DNAH10: variants seen among roughly 807,000 people sequenced by gnomAD.
DNAH10 encodes the protein axonemal beta dynein heavy chain 10.
Under a neutral mutation model 506.6 loss-of-function variants are expected in DNAH10, and 348 were observed. The observed-to-expected ratio is 0.69, with a 90% CI of 0.63 to 0.75. The LOEUF (loss-of-function observed/expected upper bound fraction) is 0.75. Among genes scored for constraint, DNAH10 ranks in the 30% least tolerant of loss-of-function variants. The pLI, the probability that DNAH10 is intolerant of heterozygous loss-of-function variation, is 0.00. For missense variants in DNAH10, 5,179 were observed against 5,787.1 expected (o/e 0.89, Z 3.41); for synonymous variants, 2,059 against 2,198.6 (o/e 0.94, Z 1.78).
chr12:123,772,272 GC>G (rs1957281521), intron 3 of DNAH10, among the ~76,000 whole-genome samples: 1 of 152,148 alleles, frequency 6.6e-6, no homozygotes, highest in Non-Finnish European at 1.5e-5. Context: ...CACCAAACTC[GC>G]ATTGTTAGCA....
At chr12:123,799,965 A>G (rs1419212753) in intron 14 of DNAH10, among the ~76,000 whole-genome samples, 1 of 152,194 alleles carries the variant, frequency 6.6e-6, no homozygotes, top group African/African-American at 2.4e-5. Flanking sequence ...CAGATTTTCC[A>G]GTGTTTCAAG....
chr12:123,762,355 C>CT lies in DNAH10; in HGVS notation c.20dup (p.Trp8ValfsTer65), dbSNP rs1956857039. 1.5e-6 allele frequency: 2 copies of CT among 1,355,790 alleles called. No homozygotes were observed. The highest frequency in any genetic ancestry group is 3.0e-5 in the African/African-American group (2 of 65,720). 84.0% of individuals were successfully genotyped at this position (1,355,790 alleles called of 1,614,324 possible). On this transcript the variant is annotated frameshift_variant, in exon 1 of 79. Transcript: ENST00000673944. LOFTEE classifies it high-confidence loss of function. This position sits in a 1 kb window ranked among gnomAD's most constrained non-coding sequence, Gnocchi z 5.0. ...CGGCGCCATGGACGACCTGCGGGTG[C>CT]TGTGGATGCGCGACCGCGTGTATGC...
At chr12:123,867,401 C>T in intron 41 of DNAH10, 66 bp from the exon 42 acceptor site, 1 of 1,536,458 alleles carries the variant, frequency 6.5e-7, no homozygotes, top group Non-Finnish European at 8.8e-7. Context: ...GCAAGAAAAG[C>T]TTTCCACTAA....
intron 19 of DNAH10, among the ~76,000 whole-genome samples, chr12:123,809,523 A>T (rs181417054): frequency 6.6e-6 from 1 of 151,998 alleles, no homozygotes; most frequent in Non-Finnish European, 1.5e-5. Context: ...GGTGGTGCAC[A>T]CCTGTGTTCC....
At chr12:123,881,513 G>A (rs988495706) in intron 50 of DNAH10, 112 bp from the exon 51 acceptor site, 16 of 1,113,378 alleles carry the variant, frequency 1.4e-5, no homozygotes, top group South Asian at 5.4e-5. Context: ...ATTTTTTCTC[G>A]TAAATTTGTT....
At chr12:123,867,807 A>G (rs1028879283) in intron 42 of DNAH10, 96 bp from the exon 43 acceptor site, 3 of 1,387,416 alleles carry the variant, frequency 2.2e-6, no homozygotes, top group African/African-American at 1.4e-5. Context: ...TTATGCTCCC[A>G]TCGCTCTGGG....
chr12:123,794,499 G>A (rs955753004), intron 12 of DNAH10, among the ~76,000 whole-genome samples: 3 of 152,100 alleles, frequency 2.0e-5, no homozygotes. Context: ...TGAACAAAAC[G>A]TGGATTCTGC....
rs762842800 is a variant in DNAH10, at chr12:123,903,073, G to C, written c.9775G>C (p.Glu3259Gln). 7 of 1,611,846 alleles carry C rather than the reference G, an allele frequency of 4.3e-6. No homozygotes were observed. The African/African-American group carries it at 9.3e-5, about 22-fold the overall frequency. Residue 3259 changes from glutamate to glutamine, a missense_variant, in exon 57 of 79, where the codon GAA becomes CAA. Glu to Gln is a conservative substitution (Grantham distance 29). This residue lies in a region of DNAH10 where 4,844 missense variants were observed against 5,430.5 expected (regional missense o/e 0.89). Coordinates refer to ENST00000673944, the MANE Select transcript of DNAH10 (RefSeq NM_001372106.1). The surrounding 1 kb of genome is among the most constrained non-coding windows in gnomAD (Gnocchi z 4.6). Reference sequence around the variant, plus strand: ...GCCCATCCTGGAGGCCGCCAAGCTGGAACTGCAGAAGCTGGACAAGTCGGA... The same window carrying C: ...GCCCATCCTGGAGGCCGCCAAGCTGCAACTGCAGAAGCTGGACAAGTCGGA... ...VMPILEAAKL[E>Q]LQKLDKSDVT...
Position 123,909,584 on chromosome 12 carries a change from C to CTAGAGATAATGGTTGGTGG in DNAH10, c.9997+143_9997+144insAGAGATAATGGTTGGTGGT. 8.9e-7 allele frequency: 1 copy of CTAGAGATAATGGTTGGTGG among 1,117,980 alleles called. No homozygotes were observed. 69.3% of individuals were successfully genotyped at this position (1,117,980 alleles called of 1,614,324 possible). On this transcript the variant is annotated intron_variant, in intron 58 of 78. Coordinates refer to ENST00000673944, the MANE Select transcript of DNAH10 (RefSeq NM_001372106.1). The surrounding 1 kb of genome is among the most constrained non-coding windows in gnomAD (Gnocchi z 5.4). Reference sequence around the variant, plus strand: ...AGATGGTATCGGATGGAACAGGCAACTGATGGTCACCAGAGGAAAACAGCA... The same window carrying CTAGAGATAATGGTTGGTGG: ...AGATGGTATCGGATGGAACAGGCAACTAGAGATAATGGTTGGTGGTGATGGTCACCAGAGGAAAACAGCA...
chr12:123,830,323 A>G (rs1960407467), intron 25 of DNAH10, among the ~76,000 whole-genome samples: 1 of 152,236 alleles, frequency 6.6e-6, no homozygotes, highest in Admixed American at 6.5e-5. Flanking sequence ...ACTAGTGTAT[A>G]GTGTATACAG....
At chr12:123,813,014 G>C (rs921732564) in intron 19 of DNAH10, 150 bp from the exon 20 acceptor site, 62 of 635,174 alleles carry the variant, frequency 9.8e-5, no homozygotes, top group Non-Finnish European at 1.5e-4. Context: ...AGGAACAAAG[G>C]ATTATGGTAA....
chr12:123,925,524 T>A lies in DNAH10; in HGVS notation c.11921+320T>A, dbSNP rs1954904776. The A allele has an allele frequency of 4.1e-6, 1 of 244,330 alleles. No individual in the cohort carries two copies. The highest frequency in any genetic ancestry group is 7.8e-6 in the Non-Finnish European group (1 of 128,660). The allele number at this position is 244,330 out of a possible 1,614,324, so 15.1% of individuals were successfully genotyped here. ...AATTATCATTTGAATGTATAATCAA[T>A]ATGAACATGATTGAGACATTTTACA... On this transcript the variant is annotated intron_variant, in intron 68 of 78. Transcript: ENST00000673944. The surrounding 1 kb of genome is among the most constrained non-coding windows in gnomAD (Gnocchi z 4.0).
intron 57 of DNAH10, among the ~76,000 whole-genome samples, chr12:123,906,379 T>C (rs1953782511): frequency 6.6e-6 from 1 of 151,926 alleles, no homozygotes. Flanking sequence ...GTAGCTGGGG[T>C]TATAGACACC....
At chr12:123,929,571 T>C (rs1375541415) in intron 71 of DNAH10, 87 bp downstream of exon 71, 5 of 1,572,512 alleles carry the variant, frequency 3.2e-6, no homozygotes, top group African/African-American at 1.4e-5. Context: ...CACAGCAGGG[T>C]TGCACCGTTC....
chr12:123,853,419 G>A lies in DNAH10; in HGVS notation c.6438+67G>A. On this transcript the variant is annotated intron_variant, in intron 36 of 78. Transcript: ENST00000673944. The surrounding 1 kb of genome is among the most constrained non-coding windows in gnomAD (Gnocchi z 4.7). ...TCAGGCATTTACTACGTGCCATTGG[G>A]GAGGTGATGGGCACAGTATGGTATC... The A allele has an allele frequency of 6.5e-7, 1 of 1,543,582 alleles. No individual in the cohort carries two copies. The highest frequency in any genetic ancestry group is 8.7e-7 in the Non-Finnish European group (1 of 1,143,306).
rs1294080751 is a variant in DNAH10 at position 123,891,340 on chromosome 12, TCA to T, written c.8996-1890_8996-1889del. 2.6e-5 allele frequency among the ~76,000 whole-genome samples: 4 copies of T among 152,300 alleles called. No homozygotes were observed. The East Asian group carries it at 7.7e-4, about 29-fold the overall frequency. ...CTGTAAAGACAATTTCCAAATAAAG[TCA>T]CAATCTGAGCTACTTTGGGGACTTC... is the stretch of plus-strand genomic sequence containing the variant. On this transcript the variant is annotated intron_variant, in intron 52 of 78. Transcript: ENST00000673944.
rs1040418039 is a variant in DNAH10, at chr12:123,934,169, A to G, written c.13478-452A>G. 2.3e-5 allele frequency: 16 copies of G among 694,598 alleles called. 1 individual carries two copies. The highest frequency in any genetic ancestry group is 3.7e-5 in the Non-Finnish European group (14 of 379,680). 43.0% of individuals were successfully genotyped at this position (694,598 alleles called of 1,614,324 possible). On this transcript the variant is annotated intron_variant, in intron 77 of 78. Coordinates refer to ENST00000673944, the MANE Select transcript of DNAH10 (RefSeq NM_001372106.1). ...CAGGAGTGTGTTCCTCTCTTTGCAC[A>G]TCTGCTGGGTCCTCCTCCCCGGAGA... is the stretch of plus-strand genomic sequence containing the variant.
Position 123,785,787 on chromosome 12 carries a change from C to T in DNAH10, c.1272C>T (p.Thr424=). 6.2e-7 allele frequency: 1 copy of T among 1,614,024 alleles called. No individual in the cohort carries two copies. The highest frequency in any genetic ancestry group is 1.3e-5 in the African/African-American group (1 of 75,036). ...CTGGCTTCCACGTGGTCCTGGACAC[C>T]ATCCCCGCCATGATGAGTGCCCTGC... ...HGSGFHVVLD[T]IPAMMSALRM... The change falls in exon 9 of 79, where the codon ACC becomes ACT. Residue 424 remains threonine, a synonymous_variant. Coordinates refer to ENST00000673944, the MANE Select transcript of DNAH10 (RefSeq NM_001372106.1). The surrounding 1 kb of genome is among the most constrained non-coding windows in gnomAD (Gnocchi z 4.1).
In DNAH10 at chr12:123,929,318, C is replaced by G; in HGVS notation, c.12350C>G (p.Ala4117Gly). 6.2e-7 allele frequency: 1 copy of G among 1,605,474 alleles called. No individual in the cohort carries two copies. The highest frequency in any genetic ancestry group is 8.5e-7 in the Non-Finnish European group (1 of 1,176,076). The change falls in exon 71 of 79, where the codon GCA (alanine) becomes GGA (glycine). Residue 4117 changes from alanine to glycine, a missense_variant. Around this residue, in one of 3 missense-constraint regions of DNAH10, gnomAD observed 4,844 missense variants for 5,430.5 expected, o/e 0.89. Transcript: ENST00000673944. ...PPNGLKLNMRATYFKISHEML... is the reference protein window; with the variant it reads ...PPNGLKLNMRGTYFKISHEML... ...AATGGGCTGAAACTCAACATGAGGG[C>G]AACTTACTTCAAGATCTCTCACGAA...
Sources: allele counts gnomAD v4.1 joint callset (sites outside exome capture counted in the v4.1 genomes callset), GRCh38; gene constraint gnomAD v4.1.1; regional missense constraint gnomAD v4.1.1; non-coding constraint Gnocchi (gnomAD v3.1); transcripts MANE v1.5; gene names NCBI Gene and HGNC (gene_info 2026-07-23, HGNC 2026-07-21).